LRFN2: variants seen among roughly 807,000 people sequenced by gnomAD.
LRFN2 encodes the protein leucine rich repeat and fibronectin type III domain containing 2, also known as leucine-rich repeat and fibronectin type-III domain-containing protein 2.
In LRFN2, 18 loss-of-function variants were observed where a neutral mutation model predicts 37.3. That is an observed-to-expected ratio of 0.48 (90% CI 0.33 to 0.72). The LOEUF is 0.72. LRFN2 is among the 30% of genes least tolerant of loss of function. The pLI, the probability that LRFN2 is intolerant of heterozygous loss-of-function variation, is 0.02. For synonymous variants in LRFN2, 556 were observed against 466.6 expected (o/e 1.19, Z -2.47); for missense variants, 1,006 against 1,060.7 (o/e 0.95, Z 0.72).
chr6:40,463,781 A>G (rs1228325010), intron 1 of LRFN2, among the ~76,000 whole-genome samples: 2 of 142,114 alleles, frequency 1.4e-5, no homozygotes, highest in Non-Finnish European at 3.0e-5. Context: ...GGCTGAAGTG[A>G]TCCTCCCACC....
At chr6:40,509,673 G>A (rs1429715247) in intron 1 of LRFN2, among the ~76,000 whole-genome samples, 8 of 151,976 alleles carry the variant, frequency 5.3e-5, no homozygotes, top group Non-Finnish European at 1.0e-4. Flanking sequence ...GCAGGCAGTG[G>A]GGGTGGGTGC....
chr6:40,419,326 T>G (rs1253336392), intron 2 of LRFN2, among the ~76,000 whole-genome samples: 2 of 152,194 alleles, frequency 1.3e-5, no homozygotes. Flanking sequence ...AACAGAAGCT[T>G]GACGTTCATT....
At chr6:40,416,032 G>A (rs892354021) in intron 2 of LRFN2, among the ~76,000 whole-genome samples, 5 of 152,158 alleles carry the variant, frequency 3.3e-5, no homozygotes, top group Non-Finnish European at 5.9e-5. Context: ...GTTTTGAGAT[G>A]GAGTCTCACT....
chr6:40,401,873 C>T (rs892367), intron 2 of LRFN2, among the ~76,000 whole-genome samples: 17,077 of 152,090 alleles, frequency 0.11, 1,055 homozygotes, highest in African/African-American at 0.13. Flanking sequence ...ACCATGGCTG[C>T]CTGTTGAGCC....
intron 1 of LRFN2, among the ~76,000 whole-genome samples, chr6:40,471,803 C>G (rs1298199246): frequency 2.0e-5 from 3 of 152,186 alleles, no homozygotes; most frequent in Non-Finnish European, 4.4e-5. Context: ...TCTGGGATGA[C>G]TTGCCACATA....
chr6:40,416,658 A>G (rs544542488), intron 2 of LRFN2, among the ~76,000 whole-genome samples: 2 of 152,268 alleles, frequency 1.3e-5, no homozygotes, highest in Non-Finnish European at 2.9e-5. Context: ...GACTCTCCCA[A>G]GCCCTTGGCA....
intron 1 of LRFN2, among the ~76,000 whole-genome samples, chr6:40,541,767 C>T (rs1276330653): frequency 1.3e-5 from 2 of 152,228 alleles, no homozygotes; most frequent in East Asian, 1.9e-4. Flanking sequence ...TGCAGGGATA[C>T]ATGACTCTCC....
At chr6:40,457,029 C>A (rs898296669) in intron 1 of LRFN2, among the ~76,000 whole-genome samples, 2 of 152,114 alleles carry the variant, frequency 1.3e-5, no homozygotes, top group East Asian at 3.9e-4. Context: ...CTCCAACCAT[C>A]CCAAACCACC....
intron 1 of LRFN2, among the ~76,000 whole-genome samples, chr6:40,493,220 CT>C (rs1316155118): frequency 2.6e-5 from 4 of 152,064 alleles, no homozygotes; most frequent in African/African-American, 9.7e-5. Flanking sequence ...TAGATGCCCC[CT>C]GCCCTTGCCA....
intron 1 of LRFN2, among the ~76,000 whole-genome samples, chr6:40,470,537 G>A (rs1347790711): frequency 6.6e-6 from 1 of 152,008 alleles, no homozygotes; most frequent in Non-Finnish European, 1.5e-5. Flanking sequence ...TTGAACCCAG[G>A]AGGTGGAGGT....
At chr6:40,462,458 C>T (rs1262461713) in intron 1 of LRFN2, among the ~76,000 whole-genome samples, 1 of 152,074 alleles carries the variant, frequency 6.6e-6, no homozygotes, top group Admixed American at 6.5e-5. Flanking sequence ...GATTCATAGC[C>T]TCCCTTCCCT....
chr6:40,540,655 T>G (rs1055100650), intron 1 of LRFN2, among the ~76,000 whole-genome samples: 5 of 152,102 alleles, frequency 3.3e-5, no homozygotes, highest in African/African-American at 1.2e-4. Context: ...GAAAACACAA[T>G]GGGGTTTTCA....
chr6:40,483,149 G>T (rs1045755353), intron 1 of LRFN2, among the ~76,000 whole-genome samples: 8 of 152,228 alleles, frequency 5.3e-5, no homozygotes, highest in Non-Finnish European at 1.0e-4. Context: ...CACAAAATGG[G>T]TGCCTAACAC....
At position 40,474,112 on chromosome 6, in the gene LRFN2, G is replaced by T. The variant is rs112074396; in HGVS notation, c.-18-40981C>A. On this transcript the variant is annotated intron_variant, in intron 1 of 2. Transcript: ENST00000338305. ...CTAATAGGTATAGTGGGGGAAACCTGGGCACCTTCTCAGGTAAGTCGAGAG... is the reference window on the plus strand; with the variant it reads ...CTAATAGGTATAGTGGGGGAAACCTTGGCACCTTCTCAGGTAAGTCGAGAG... Among the ~76,000 whole-genome samples, 618 of 152,194 alleles carry T rather than the reference G, an allele frequency of 4.1e-3. 3 individuals are homozygous for T. The highest frequency in any genetic ancestry group is 0.027 in the Middle Eastern group (8 of 294).
intron 1 of LRFN2, among the ~76,000 whole-genome samples, chr6:40,570,157 C>T (rs1218712313): frequency 1.3e-5 from 2 of 152,170 alleles, no homozygotes; most frequent in African/African-American, 4.8e-5. Context: ...CTAAGAGTCA[C>T]CATTCTCTCT....
At position 40,392,364 on chromosome 6, in the gene LRFN2, T is replaced by C; in HGVS notation, c.1949A>G (p.Lys650Arg). The change falls in exon 3 of 3, where the codon AAG (lysine) becomes AGG (arginine). Residue 650 changes from lysine to arginine, a missense_variant. Around this residue, in one of 4 missense-constraint regions of LRFN2, gnomAD observed 398 missense variants for 327.6 expected, o/e 1.21. Transcript: ENST00000338305. This position sits in a 1 kb window ranked among gnomAD's most constrained non-coding sequence, Gnocchi z 4.7. The part of the protein sequence containing the change: ...WRIPPSAPRP[K>R]PSLDRLMGAF... Reference sequence around the variant, plus strand: ...CCCCATCAGGCGGTCAAGGCTGGGCTTGGGGCGCGGGGCGGAGGGTGGGAT... The same window carrying C: ...CCCCATCAGGCGGTCAAGGCTGGGCCTGGGGCGCGGGGCGGAGGGTGGGAT... 2 of 1,604,428 alleles carry C rather than the reference T, an allele frequency of 1.2e-6. No homozygotes were observed. The highest frequency in any genetic ancestry group is 1.1e-5 in the South Asian group (1 of 89,470).
chr6:40,434,482 CTT>C (rs112476329), intron 1 of LRFN2, among the ~76,000 whole-genome samples: 13 of 141,638 alleles, frequency 9.2e-5, no homozygotes, highest in Admixed American at 1.4e-4. Context: ...CTTTTTTTTT[CTT>C]TTTTTTTTTT....
At chr6:40,537,013 G>A (rs1766461113) in intron 1 of LRFN2, among the ~76,000 whole-genome samples, 1 of 152,202 alleles carries the variant, frequency 6.6e-6, no homozygotes, top group Non-Finnish European at 1.5e-5. Flanking sequence ...TCAAGGTAAG[G>A]AAACTGAGGC....
At chr6:40,441,383 C>G (rs970530894) in intron 1 of LRFN2, among the ~76,000 whole-genome samples, 1 of 151,812 alleles carries the variant, frequency 6.6e-6, no homozygotes, top group Non-Finnish European at 1.5e-5. Context: ...CTCCTGAGGG[C>G]GTGTGAGTGA....
Sources: allele counts gnomAD v4.1 joint callset (sites outside exome capture counted in the v4.1 genomes callset), GRCh38; gene constraint gnomAD v4.1.1; regional missense constraint gnomAD v4.1.1; non-coding constraint Gnocchi (gnomAD v3.1); transcripts MANE v1.5; gene names NCBI Gene and HGNC (gene_info 2026-07-23, HGNC 2026-07-21).